The following IQCM variants were observed in gnomAD, a reference collection of about 807,000 sequenced individuals.
IQCM encodes the protein IQ domain-containing protein M.
In IQCM, 45 loss-of-function variants were observed where a neutral mutation model predicts 57.6. That is an observed-to-expected ratio of 0.78 (90% CI 0.62 to 1.00). IQCM has a LOEUF of 1.00. Among genes scored for constraint, IQCM ranks in the 50% least tolerant of loss-of-function variants. IQCM has a pLI of 0.00. For missense variants in IQCM, 468 were observed against 511.6 expected (o/e 0.91, Z 0.82); for synonymous variants, 148 against 158.9 (o/e 0.93, Z 0.51).
chr4:149,629,944 T>C (rs891917406), intron 7 of IQCM, among the ~76,000 whole-genome samples: 6 of 132,018 alleles, frequency 4.5e-5, no homozygotes, highest in Admixed American at 1.8e-4. Flanking sequence ...TTCCTTTAAA[T>C]ATGCCCTCAA....
chr4:149,780,911 T>C (rs1771545041), intron 2 of IQCM, among the ~76,000 whole-genome samples: 1 of 152,190 alleles, frequency 6.6e-6, no homozygotes, highest in Non-Finnish European at 1.5e-5. Context: ...GTGCCAGGTA[T>C]CATGCGAAGA....
intron 12 of IQCM, among the ~76,000 whole-genome samples, chr4:149,530,794 C>CA (rs1421154840): frequency 0.02 from 184 of 9,392 alleles, no homozygotes; most frequent in Non-Finnish European, 0.027. Context: ...CAGACACCCC[C>CA]ACCCCCCCAC....
In IQCM at chr4:149,351,959, C is replaced by A; in HGVS notation, c.1498G>T (p.Val500Phe). ...KMRQHYKSCK[V>F]E is the part of the protein sequence containing the mutation. ...ATAATATGTTGGAAACATCATTCAA[C>A]TTTACATGACTTATAATGTTGTCTC... Residue 500 changes from valine (V) to phenylalanine (F), a missense_variant, in exon 14 of 14, where the codon GTT (valine) becomes TTT (phenylalanine). Transcript: ENST00000636793. The A allele has an allele frequency of 2.5e-6, 1 of 398,864 alleles. No homozygotes were observed. The allele number at this position is 398,864 out of a possible 1,614,324, so 24.7% of individuals were successfully genotyped here.
At chr4:149,797,561 T>C (rs1773222091) in intron 2 of IQCM, among the ~76,000 whole-genome samples, 1 of 152,062 alleles carries the variant, frequency 6.6e-6, no homozygotes, top group Non-Finnish European at 1.5e-5. Context: ...GAGATATCAA[T>C]ATTCAAGTAC....
intron 12 of IQCM, among the ~76,000 whole-genome samples, chr4:149,440,347 G>T (rs17026252): frequency 6.6e-6 from 1 of 151,562 alleles, no homozygotes. Flanking sequence ...GCATCATTTT[G>T]GTTATTTTTC....
chr4:149,485,373 T>A (rs1741361367), intron 12 of IQCM, among the ~76,000 whole-genome samples: 1 of 151,966 alleles, frequency 6.6e-6, no homozygotes, highest in Non-Finnish European at 1.5e-5. Flanking sequence ...ATTTTCTACA[T>A]CTCGTAGGTA....
chr4:149,393,208 A>G (rs1404015231), intron 13 of IQCM, among the ~76,000 whole-genome samples: 1 of 151,990 alleles, frequency 6.6e-6, no homozygotes, highest in Non-Finnish European at 1.5e-5. Context: ...TAAATAATAA[A>G]ATACTATTAA....
intron 5 of IQCM, among the ~76,000 whole-genome samples, chr4:149,692,365 C>G (rs1278898299): frequency 6.6e-6 from 1 of 152,138 alleles, no homozygotes; most frequent in Non-Finnish European, 1.5e-5. Context: ...CAGTATCTAT[C>G]TTTGGAAGGA....
intron 2 of IQCM, among the ~76,000 whole-genome samples, chr4:149,763,297 A>C (rs1459386544): frequency 6.6e-6 from 1 of 152,098 alleles, no homozygotes; most frequent in Non-Finnish European, 1.5e-5. Context: ...AAAGATGGAC[A>C]AGCAGATCCC....
intron 5 of IQCM, among the ~76,000 whole-genome samples, chr4:149,732,045 T>G (rs182073851): frequency 4.6e-5 from 7 of 152,248 alleles, no homozygotes; most frequent in African/African-American, 1.4e-4. Flanking sequence ...CTCACTTAGC[T>G]CTCTGTCATC....
At chr4:149,384,977 TC>T (rs1731319391) in intron 13 of IQCM, among the ~76,000 whole-genome samples, 2 of 152,232 alleles carry the variant, frequency 1.3e-5, no homozygotes, top group South Asian at 4.1e-4. Context: ...ATTAAAATTT[TC>T]TACACCATCC....
At chr4:149,672,943 A>G (rs1761431880) in intron 7 of IQCM, among the ~76,000 whole-genome samples, 1 of 152,222 alleles carries the variant, frequency 6.6e-6, no homozygotes, top group Non-Finnish European at 1.5e-5. Context: ...CAGAAACTCT[A>G]CATGCCAGAA....
chr4:149,619,504 A>G (rs1296437583), intron 8 of IQCM, among the ~76,000 whole-genome samples: 2 of 152,212 alleles, frequency 1.3e-5, no homozygotes, highest in Non-Finnish European at 2.9e-5. Context: ...TTAGAAATAA[A>G]AAAATTAGCT....
intron 2 of IQCM, among the ~76,000 whole-genome samples, chr4:149,786,809 C>G (rs893332796): frequency 2.0e-5 from 3 of 152,086 alleles, no homozygotes; most frequent in Non-Finnish European, 4.4e-5. Context: ...ACCATTTGAC[C>G]CAGCAATCCC....
chr4:149,439,107 T>C (rs1217291039), intron 12 of IQCM, among the ~76,000 whole-genome samples: 1 of 152,080 alleles, frequency 6.6e-6, no homozygotes, highest in Non-Finnish European at 1.5e-5. Context: ...CACATTTAAA[T>C]GTTAAATGTA....
chr4:149,559,964 C>T (rs1309859068), intron 10 of IQCM, among the ~76,000 whole-genome samples: 2 of 152,174 alleles, frequency 1.3e-5, no homozygotes, highest in African/African-American at 4.8e-5. Context: ...AGGTTGTGTG[C>T]TCTTAATGAG....
intron 13 of IQCM, among the ~76,000 whole-genome samples, chr4:149,426,809 A>G (rs1408231993): frequency 1.3e-5 from 2 of 151,952 alleles, no homozygotes; most frequent in African/African-American, 4.8e-5. Context: ...TCTGGACTCA[A>G]AAATGAAGTA....
intron 12 of IQCM, among the ~76,000 whole-genome samples, chr4:149,491,992 T>A (rs965472476): frequency 6.6e-6 from 1 of 152,154 alleles, no homozygotes; most frequent in African/African-American, 2.4e-5. Flanking sequence ...TATTTTAATT[T>A]CTCTGCTGAT....
intron 7 of IQCM, among the ~76,000 whole-genome samples, chr4:149,631,254 C>T (rs1757240835): frequency 6.6e-6 from 1 of 152,158 alleles, no homozygotes; most frequent in South Asian, 2.1e-4. Flanking sequence ...TCCCGGTTTC[C>T]TGTGGATTTC....
Sources: allele counts gnomAD v4.1 joint callset (sites outside exome capture counted in the v4.1 genomes callset), GRCh38; gene constraint gnomAD v4.1.1; transcripts MANE v1.5; gene names NCBI Gene and HGNC (gene_info 2026-07-23, HGNC 2026-07-21).